Variants in CYP20A1 observed in about 807,000 individuals in gnomAD.
The protein encoded by CYP20A1 is cytochrome P450 family 20 subfamily A member 1, also known as cytochrome P450 20A1.
Under a neutral mutation model 61.4 loss-of-function variants are expected in CYP20A1, and 61 were observed. That is an observed-to-expected ratio of 0.99 (90% CI 0.81 to 1.23). The LOEUF is 1.23. CYP20A1 is among the 50% of genes most tolerant of loss of function. The pLI is 0.00. For missense variants in CYP20A1, 530 were observed against 542.4 expected, an observed-to-expected ratio of 0.98 and a Z score of 0.23; for synonymous variants, 193 against 188.2, an observed-to-expected ratio of 1.03 and a Z score of -0.21.
intron 3 of CYP20A1, among the ~76,000 whole-genome samples, chr2:203,250,999 G>A (rs533589888): frequency 5.1e-4 from 73 of 143,364 alleles, no homozygotes; most frequent in African/African-American, 1.8e-3. Flanking sequence ...GGGAGGCGGA[G>A]CTTGCGGTGA....
At chr2:203,257,600 C>T (rs1575189201) in intron 4 of CYP20A1, among the ~76,000 whole-genome samples, 2 of 151,906 alleles carry the variant, frequency 1.3e-5, no homozygotes, top group Middle Eastern at 3.4e-3. Context: ...CCAGCCTGGC[C>T]AACAAAGTGA....
rs76767556 is a variant in CYP20A1 at position 203,298,533 on chromosome 2, CAAAAA to C, written c.*1639_*1643del. The stretch of plus-strand genomic sequence containing the variant: ...TGAAACCCCGTCTCTACTAAAAATA[CAAAAA>C]AAAAAAAAAAAAATTAGCCAGATGT... On this transcript the variant is annotated 3_prime_UTR_variant, in exon 13 of 13. Coordinates refer to ENST00000356079, the MANE Select transcript of CYP20A1 (RefSeq NM_177538.3). Among the ~76,000 whole-genome samples, 9 of 124,522 alleles carry C rather than the reference CAAAAA, an allele frequency of 7.2e-5. No individual in the cohort carries two copies. The South Asian group carries it at 1.3e-3, about 18-fold the overall frequency. 81.7% of individuals were successfully genotyped at this position (124,522 alleles called of 152,430 possible). A position where few individuals can be genotyped will look rare whatever the true frequency, so the allele number is the denominator to read the frequency against.
rs1325841024 is a variant in CYP20A1 at position 203,256,690 on chromosome 2, C to T, written c.432+4581C>T. On this transcript the variant is annotated intron_variant, in intron 4 of 12. Transcript: ENST00000356079. ...CTATTTTTTGTAATCCTTTGAGTGT[C>T]TGTCTCCCTCACTTAAGTGTGTGCT... is the stretch of plus-strand genomic sequence containing the variant. Among the ~76,000 whole-genome samples the T allele has an allele frequency of 2.6e-5, 4 of 152,320 alleles. No homozygotes were observed. The East Asian group carries it at 7.7e-4, about 29-fold the overall frequency.
At chr2:203,275,501 T>A (rs10192456) in intron 6 of CYP20A1, among the ~76,000 whole-genome samples, 4 of 151,910 alleles carry the variant, frequency 2.6e-5, no homozygotes, top group South Asian at 2.1e-4. Flanking sequence ...TTGCAGTGGC[T>A]CAATCTCAGC....
rs529151972 is a variant in CYP20A1, at chr2:203,278,226, A to T, written c.680-347A>T. Among the ~76,000 whole-genome samples, 39 of 152,248 alleles carry T rather than the reference A, an allele frequency of 2.6e-4. No homozygotes were observed. The East Asian group carries it at 6.2e-3, about 24-fold the overall frequency. On this transcript the variant is annotated intron_variant, in intron 6 of 12. Transcript: ENST00000356079. ...GAAGTCAAGGCTGCAGTAAGCCAAG[A>T]TCACACCACTACACTGCAGCCTGGG...
intron 4 of CYP20A1, among the ~76,000 whole-genome samples, chr2:203,254,057 C>G (rs917451175): frequency 3.9e-5 from 6 of 151,918 alleles, no homozygotes; most frequent in African/African-American, 1.5e-4. Flanking sequence ...AAGCAATTCT[C>G]TGCCTCAGCC....
At chr2:203,282,123 C>T (rs2068067392) in intron 8 of CYP20A1, among the ~76,000 whole-genome samples, 1 of 150,698 alleles carries the variant, frequency 6.6e-6, no homozygotes, top group Admixed American at 6.7e-5. Flanking sequence ...CTGCAACCTC[C>T]ACCTCCTCGA....
chr2:203,297,226 G>C lies in CYP20A1; in HGVS notation c.*318G>C, dbSNP rs915403297. Reference sequence around the variant, plus strand: ...CTCTAAAATCAATGTTCTTGAAAAAGAAATTATTTTGCAGAAGTTGGGGAA... The same window carrying C: ...CTCTAAAATCAATGTTCTTGAAAAACAAATTATTTTGCAGAAGTTGGGGAA... On this transcript the variant is annotated 3_prime_UTR_variant, in exon 13 of 13. Coordinates refer to ENST00000356079, the MANE Select transcript of CYP20A1 (RefSeq NM_177538.3). 7 of 189,090 alleles carry C rather than the reference G, an allele frequency of 3.7e-5. No individual in the cohort carries two copies. Among genetic ancestry groups the C allele is most frequent in the Non-Finnish European group, 7.6e-5 (7 of 91,808 alleles). The allele number at this position is 189,090 out of a possible 1,614,324, so 11.7% of individuals were successfully genotyped here.
intron 11 of CYP20A1, among the ~76,000 whole-genome samples, chr2:203,295,325 T>C (rs2068744081): frequency 6.6e-6 from 1 of 152,070 alleles, no homozygotes; most frequent in Non-Finnish European, 1.5e-5. Flanking sequence ...TCCTCCCACC[T>C]TGGCGTCACA....
chr2:203,258,232 A>T (rs1414674740), intron 4 of CYP20A1, among the ~76,000 whole-genome samples: 1 of 152,174 alleles, frequency 6.6e-6, no homozygotes, highest in East Asian at 1.9e-4. Context: ...TAAAAATTAC[A>T]TTTGGAAGCT....
intron 4 of CYP20A1, among the ~76,000 whole-genome samples, chr2:203,260,382 C>A (rs999348932): frequency 4.6e-5 from 7 of 151,320 alleles, no homozygotes; most frequent in Non-Finnish European, 5.9e-5. Flanking sequence ...GCCACGACGC[C>A]CGGCTAATTT....
At chr2:203,252,342 G>A (rs2066721974) in intron 4 of CYP20A1, among the ~76,000 whole-genome samples, 1 of 150,688 alleles carries the variant, frequency 6.6e-6, no homozygotes. Flanking sequence ...AGAGTAGAGA[G>A]CACCTGAAGA....
In CYP20A1 at chr2:203,292,268, G is replaced by A. The variant is rs1370275769; in HGVS notation, c.1090G>A (p.Val364Ile). ...GGATTTTTTTTTTTCACAGACCCTC[G>A]TCCTTTATGCCCTTGGTGTGGTACT... The part of the protein sequence containing the change: ...DRFIIPRETL[V>I]LYALGVVLQD... The change falls in exon 11 of 13, where the codon GTC (valine) becomes ATC (isoleucine). Residue 364 changes from valine to isoleucine, a missense_variant. Val to Ile is a conservative substitution (Grantham distance 29). Transcript: ENST00000356079. 10 of 1,605,644 alleles carry A rather than the reference G, an allele frequency of 6.2e-6. No individual in the cohort carries two copies. The South Asian group carries it at 6.6e-5, about 11-fold the overall frequency.
At position 203,304,771 on chromosome 2, in the gene CYP20A1, A is replaced by T. The variant is rs571298555; in HGVS notation, c.*7863A>T. ...GGCAACATGGCGAAACTGCATCTCT[A>T]CAAAAAATACAAAAATTAGCCAGGT... On this transcript the variant is annotated 3_prime_UTR_variant, in exon 13 of 13. Coordinates refer to ENST00000356079, the MANE Select transcript of CYP20A1 (RefSeq NM_177538.3). 6.6e-6 allele frequency among the ~76,000 whole-genome samples: 1 copy of T among 152,224 alleles called. No homozygotes were observed. Among genetic ancestry groups the T allele is most frequent in the South Asian group, 2.1e-4 (1 of 4,828 alleles).
In CYP20A1 at chr2:203,251,396, A is replaced by G. The variant is rs537592010; in HGVS notation, c.290-571A>G. On this transcript the variant is annotated intron_variant, in intron 3 of 12. Coordinates refer to ENST00000356079, the MANE Select transcript of CYP20A1 (RefSeq NM_177538.3). ...ATGTAGGTAGAAAATTTATGTCTGT[A>G]TTAATGACTTAACAGTGGAATTCCC... Among the ~76,000 whole-genome samples, 5 of 152,122 alleles carry G rather than the reference A, an allele frequency of 3.3e-5. No individual in the cohort carries two copies. The South Asian group carries it at 1.0e-3, about 32-fold the overall frequency.
At chr2:203,295,849 T>A (rs2068768708) in intron 11 of CYP20A1, among the ~76,000 whole-genome samples, 1 of 151,876 alleles carries the variant, frequency 6.6e-6, no homozygotes, top group Admixed American at 6.6e-5. Flanking sequence ...CTTGGGAGGC[T>A]GAGACAGGAG....
chr2:203,248,235 A>G lies in CYP20A1; in HGVS notation c.289+1314A>G, dbSNP rs145244635. 3.8e-3 allele frequency among the ~76,000 whole-genome samples: 571 copies of G among 152,038 alleles called. 7 individuals carry two copies. The highest frequency in any genetic ancestry group is 0.013 in the African/African-American group (550 of 41,490). On this transcript the variant is annotated intron_variant, in intron 3 of 12. Transcript: ENST00000356079. ...GGACAGGGCAAGAACCTGTCTCTTG[A>G]AAAAAAAGAATCTCCTGGCCGGGCG...
intron 4 of CYP20A1, among the ~76,000 whole-genome samples, chr2:203,253,898 C>T (rs2066794896): frequency 6.6e-6 from 1 of 151,700 alleles, no homozygotes; most frequent in African/African-American, 2.4e-5. Context: ...TATCTTATAA[C>T]TGTCCTTGAA....
chr2:203,296,101 A>G (rs2068785744), intron 11 of CYP20A1, among the ~76,000 whole-genome samples: 1 of 152,148 alleles, frequency 6.6e-6, no homozygotes, highest in African/African-American at 2.4e-5. Flanking sequence ...TGTCTGTACA[A>G]AAAACTGTTA....
Sources: allele counts gnomAD v4.1 joint callset (sites outside exome capture counted in the v4.1 genomes callset), GRCh38; gene constraint gnomAD v4.1.1; transcripts MANE v1.5; gene names NCBI Gene and HGNC (gene_info 2026-07-23, HGNC 2026-07-21).